Variants in DAAM1 observed in about 807,000 individuals in gnomAD.
DAAM1 encodes disheveled-associated activator of morphogenesis 1.
A neutral mutation model predicts 130.0 loss-of-function variants in DAAM1; 52 were observed. The ratio of observed to expected loss-of-function variants is 0.40; its 90% confidence interval spans 0.32 to 0.50. The LOEUF is 0.50. DAAM1 is among the 20% of genes least tolerant of loss of function. DAAM1 has a pLI of 0.61. For missense variants in DAAM1, 1,134 were observed against 1,303.8 expected (o/e 0.87, Z 2.01); for synonymous variants, 452 against 444.5 (o/e 1.02, Z -0.21).
chr14:59,365,230 T>A (rs934124418), intron 23 of DAAM1, among the ~76,000 whole-genome samples: 1 of 152,182 alleles, frequency 6.6e-6, no homozygotes, highest in Non-Finnish European at 1.5e-5. Flanking sequence ...TCTTTAGATT[T>A]CTAAGATTTT....
chr14:59,369,036 T>G lies in DAAM1; in HGVS notation c.*177T>G, dbSNP rs1887037902. The G allele has an allele frequency of 6.8e-6, 4 of 591,640 alleles. No homozygotes were observed. In the South Asian group the frequency reaches 8.8e-5, roughly 13 times the overall value. 36.6% of individuals were successfully genotyped at this position (591,640 alleles called of 1,614,324 possible). A position where few individuals can be genotyped will look rare whatever the true frequency, so the allele number is the denominator to read the frequency against. On this transcript the variant is annotated 3_prime_UTR_variant, in exon 25 of 25. Transcript: ENST00000360909. ...GTATATATTAAAAAATGTATATAGA[T>G]GTCTGAGTGTTGTCTGGAGACCTAT...
At chr14:59,191,276 CT>C (rs879503518) in intron 1 of DAAM1, among the ~76,000 whole-genome samples, 22 of 152,030 alleles carry the variant, frequency 1.4e-4, no homozygotes, top group Non-Finnish European at 2.9e-4. Flanking sequence ...GAAGTTGTCA[CT>C]TTTTTCCTGG....
intron 21 of DAAM1, chr14:59,360,537 A>G: frequency 3.6e-6 from 1 of 275,450 alleles, no homozygotes; most frequent in East Asian, 6.4e-5. Context: ...AACATAAAAT[A>G]TTTTTGTACA....
intron 1 of DAAM1, among the ~76,000 whole-genome samples, chr14:59,226,027 C>T (rs1300968137): frequency 1.3e-5 from 2 of 152,156 alleles, no homozygotes; most frequent in Non-Finnish European, 2.9e-5. Context: ...GCAACATATA[C>T]TCGAAATGTG....
rs999849152 is a variant in DAAM1 at position 59,324,433 on chromosome 14, A to G, written c.968A>G (p.His323Arg). The change falls in exon 8 of 25, where the codon CAC becomes CGC. Residue 323 changes from histidine (H) to arginine (R), a missense_variant. His to Arg is a conservative substitution (Grantham distance 29). This residue lies in a region of DAAM1 where 391 missense variants were observed against 521.6 expected (regional missense o/e 0.75). Transcript: ENST00000360909. ...IQPVIDKLRE[H>R]ENSTLDRHLD... ...CCTGTAATAGATAAATTAAGGGAAC[A>G]CGAAAATTCAACATTAGATAGGTAA... 3 of 1,589,638 alleles carry G rather than the reference A, an allele frequency of 1.9e-6. No homozygotes were observed. In the South Asian group the frequency reaches 3.5e-5, roughly 19 times the overall value.
intron 3 of DAAM1, among the ~76,000 whole-genome samples, chr14:59,297,769 G>A (rs563805256): frequency 6.6e-6 from 1 of 152,036 alleles, no homozygotes; most frequent in South Asian, 2.1e-4. Context: ...TATTACTGTT[G>A]ATAATCTCTT....
intron 23 of DAAM1, among the ~76,000 whole-genome samples, chr14:59,365,601 AC>A (rs1312685681): frequency 1.3e-5 from 2 of 152,202 alleles, no homozygotes; most frequent in Non-Finnish European, 2.9e-5. Context: ...ATAAGCCAAT[AC>A]TTGTTTTATT....
intron 23 of DAAM1, among the ~76,000 whole-genome samples, chr14:59,366,564 A>G (rs945214704): frequency 1.3e-5 from 2 of 152,212 alleles, no homozygotes; most frequent in African/African-American, 4.8e-5. Context: ...TATACCCTAC[A>G]ATATTTTGTT....
intron 2 of DAAM1, chr14:59,265,331 C>G (rs995850887): frequency 3.9e-5 from 6 of 152,210 alleles, no homozygotes. Context: ...GCTTTATGAT[C>G]TTGAATATTT....
At chr14:59,219,625 T>G (rs1281951344) in intron 1 of DAAM1, among the ~76,000 whole-genome samples, 1 of 152,240 alleles carries the variant, frequency 6.6e-6, no homozygotes, top group African/African-American at 2.4e-5. Context: ...GAGTAAAGTC[T>G]AGAAAACTGG....
At chr14:59,316,832 A>G (rs1332790840) in intron 4 of DAAM1, among the ~76,000 whole-genome samples, 1 of 152,240 alleles carries the variant, frequency 6.6e-6, no homozygotes, top group African/African-American at 2.4e-5. Context: ...TTATCTAATG[A>G]GAAGTTGCTT....
intron 1 of DAAM1, among the ~76,000 whole-genome samples, chr14:59,260,907 C>T (rs1253009): frequency 0.44 from 66,136 of 151,698 alleles, 14,504 homozygotes; most frequent in Non-Finnish European, 0.45. Flanking sequence ...GTGAGAGGAG[C>T]GCAAGATGTT....
intron 1 of DAAM1, among the ~76,000 whole-genome samples, chr14:59,254,058 G>C (rs1417676928): frequency 6.6e-6 from 1 of 152,060 alleles, no homozygotes; most frequent in African/African-American, 2.4e-5. Flanking sequence ...GGCACCAAAG[G>C]GTGGACTGCT....
chr14:59,289,767 G>GATAGATATATATATATATAT (rs375183979), intron 2 of DAAM1, among the ~76,000 whole-genome samples: 19 of 110,244 alleles, frequency 1.7e-4, no homozygotes, highest in Non-Finnish European at 3.1e-4. Context: ...AACAAAATGT[G>GATAGATATATATATATATAT]ATATATATAT....
chr14:59,365,102 G>A (rs541542538), intron 23 of DAAM1, among the ~76,000 whole-genome samples: 2 of 152,282 alleles, frequency 1.3e-5, no homozygotes, highest in Admixed American at 6.5e-5. Flanking sequence ...AGCCAGCATC[G>A]CGCTTCTCTG....
intron 1 of DAAM1, among the ~76,000 whole-genome samples, chr14:59,193,761 C>T (rs1887803714): frequency 6.6e-6 from 1 of 152,170 alleles, no homozygotes. Context: ...CTGTCCACGT[C>T]TGGAATGTGC....
chr14:59,322,917 G>C lies in DAAM1; in HGVS notation c.466G>C (p.Asp156His). ...GTTTGTAACCAGATTCATCGACTTGGATGGCCTATCATGTATCCTCAACTT... is the reference window on the plus strand; with the variant it reads ...GTTTGTAACCAGATTCATCGACTTGCATGGCCTATCATGTATCCTCAACTT... ...MRFVTRFIDL[D>H]GLSCILNFLK... The change falls in exon 6 of 25, where the codon GAT becomes CAT. Residue 156 changes from aspartate (D) to histidine (H), a missense_variant. Physicochemically the swap from Asp to His is moderately conservative, Grantham distance 81 (BLOSUM62 -1). Coordinates refer to ENST00000360909, the MANE Select transcript of DAAM1 (RefSeq NM_001270520.2). 6.2e-7 allele frequency: 1 copy of C among 1,611,664 alleles called. No homozygotes were observed. Among genetic ancestry groups the C allele is most frequent in the Non-Finnish European group, 8.5e-7 (1 of 1,178,234 alleles).
chr14:59,191,455 A>G (rs1887727491), intron 1 of DAAM1, among the ~76,000 whole-genome samples: 1 of 151,406 alleles, frequency 6.6e-6, no homozygotes, highest in Non-Finnish European at 1.5e-5. Flanking sequence ...ACGAATATTA[A>G]GTAGCAGAAC....
chr14:59,267,661 A>G (rs761638069), intron 2 of DAAM1, among the ~76,000 whole-genome samples: 2 of 152,110 alleles, frequency 1.3e-5, no homozygotes, highest in Non-Finnish European at 2.9e-5. Flanking sequence ...TCCATAAACC[A>G]TCACTCCTCA....
Sources: gnomAD v4.1 joint callset for allele counts (sites outside exome capture counted in the v4.1 genomes callset) on GRCh38, gnomAD v4.1.1 for gene constraint, gnomAD v4.1.1 regional missense constraint, MANE v1.5 for transcripts, NCBI Gene and HGNC (gene_info 2026-07-23, HGNC 2026-07-21) for gene names.